Variants in SLC6A3 observed in about 807,000 individuals in gnomAD.
SLC6A3 encodes solute carrier family 6 member 3.
Under a neutral mutation model 70.4 loss-of-function variants are expected in SLC6A3, and 19 were observed. That is an observed-to-expected ratio of 0.27 (90% CI 0.19 to 0.40). The LOEUF (loss-of-function observed/expected upper bound fraction) is 0.40. SLC6A3 is among the 10% of genes least tolerant of loss of function. SLC6A3 has a pLI of 1.00. For synonymous variants in SLC6A3, 368 were observed against 356.6 expected (o/e 1.03, Z -0.36); for missense variants, 613 against 838.5 (o/e 0.73, Z 3.32).
chr5:1,435,297 A>C (rs968604877), intron 3 of SLC6A3, among the ~76,000 whole-genome samples: 4 of 152,202 alleles, frequency 2.6e-5, no homozygotes, highest in Non-Finnish European at 4.4e-5. Flanking sequence ...AGCACTGTGG[A>C]GGGTTTTCCA....
rs751934788 is a variant in SLC6A3 at position 1,421,894 on chromosome 5, G to T, written c.774C>A (p.Gly258=). The T allele has an allele frequency of 1.9e-6, 3 of 1,613,200 alleles. No homozygotes were observed. The highest frequency in any genetic ancestry group is 2.5e-6 in the Non-Finnish European group (3 of 1,180,004). ...IVLLYFSLWK[G]VKTSGKVVWI... Reference sequence around the variant, plus strand: ...GCCTCACCTTCCCTGAGGTCTTCACGCCCTTCCAGAGGCTGAAGTAGAGCA... The same window carrying T: ...GCCTCACCTTCCCTGAGGTCTTCACTCCCTTCCAGAGGCTGAAGTAGAGCA... The change falls in exon 5 of 15, where the codon GGC becomes GGA. Residue 258 remains glycine (G), a synonymous_variant. Transcript: ENST00000270349. This position sits in a 1 kb window ranked among gnomAD's most constrained non-coding sequence, Gnocchi z 7.2.
chr5:1,400,324 G>T (rs532388646), intron 14 of SLC6A3, among the ~76,000 whole-genome samples: 11 of 152,212 alleles, frequency 7.2e-5, no homozygotes, highest in Non-Finnish European at 7.3e-5. Context: ...GGTTGTGGGA[G>T]TAAAAACACG....
chr5:1,433,411 G>T (rs1255073903), intron 3 of SLC6A3, among the ~76,000 whole-genome samples: 1 of 151,926 alleles, frequency 6.6e-6, no homozygotes, highest in African/African-American at 2.4e-5. Flanking sequence ...ACTATGGAGG[G>T]CACCCAGGAC....
intron 4 of SLC6A3, among the ~76,000 whole-genome samples, chr5:1,426,164 T>G (rs1366592664): frequency 6.6e-6 from 1 of 152,124 alleles, no homozygotes; most frequent in Admixed American, 6.6e-5. Flanking sequence ...TACTCAAAAG[T>G]AGGTACTCAA....
chr5:1,409,360 C>A (rs1387236471), intron 10 of SLC6A3, among the ~76,000 whole-genome samples: 1 of 152,178 alleles, frequency 6.6e-6, no homozygotes, highest in Non-Finnish European at 1.5e-5. Flanking sequence ...ATGGAAGCAA[C>A]CGAATGCGGA....
intron 4 of SLC6A3, among the ~76,000 whole-genome samples, chr5:1,425,386 C>T (rs1013449145): frequency 2.6e-5 from 4 of 152,184 alleles, no homozygotes; most frequent in Non-Finnish European, 4.4e-5. Flanking sequence ...TAAACAAAGA[C>T]GACAAGAGCT....
At chr5:1,443,667 CTTTTTTCTTTT>C (rs1482105010) in intron 1 of SLC6A3, among the ~76,000 whole-genome samples, 1 of 151,074 alleles carries the variant, frequency 6.6e-6, no homozygotes, top group Admixed American at 6.6e-5. Context: ...CATCTGTATT[CTTTTTTCTTTT>C]TTTTTTCTTT....
intron 4 of SLC6A3, among the ~76,000 whole-genome samples, chr5:1,426,597 T>C (rs1189753094): frequency 2.0e-5 from 3 of 152,302 alleles, no homozygotes; most frequent in African/African-American, 4.8e-5. Flanking sequence ...TACAATGGAA[T>C]TGAAATATTA....
intron 2 of SLC6A3, 140 bp from the exon 3 acceptor site, chr5:1,441,630 G>T: frequency 1.0e-6 from 1 of 993,440 alleles, no homozygotes; most frequent in Non-Finnish European, 1.5e-6. Context: ...GAAGTCCCAG[G>T]CTAGGGTAGA....
intron 7 of SLC6A3, 125 bp downstream of exon 7, chr5:1,415,973 C>G (rs181453773): frequency 9.4e-6 from 7 of 746,184 alleles, no homozygotes; most frequent in African/African-American, 1.7e-5. Flanking sequence ...AAAGGCCACG[C>G]AGCTCACAGG....
chr5:1,418,114 C>T (rs1436140781), intron 6 of SLC6A3, among the ~76,000 whole-genome samples: 1 of 152,162 alleles, frequency 6.6e-6, no homozygotes, highest in Non-Finnish European at 1.5e-5. Context: ...GGTGGAGAGG[C>T]TCATACCCTG....
intron 4 of SLC6A3, among the ~76,000 whole-genome samples, chr5:1,423,032 C>A (rs1245231817): frequency 1.2e-5 from 1 of 81,804 alleles, no homozygotes; most frequent in Non-Finnish European, 2.2e-5. Flanking sequence ...TGCTGGGTAC[C>A]CACCACTGCC....
chr5:1,444,750 G>A (rs1733758484), intron 1 of SLC6A3, among the ~76,000 whole-genome samples: 1 of 152,234 alleles, frequency 6.6e-6, no homozygotes, highest in African/African-American at 2.4e-5. Context: ...TCCTGAACGC[G>A]GGGCCTCAGA....
chr5:1,431,331 G>A (rs540596279), intron 4 of SLC6A3, among the ~76,000 whole-genome samples: 6 of 152,386 alleles, frequency 3.9e-5, no homozygotes, highest in East Asian at 3.9e-4. Flanking sequence ...CGGAGACATC[G>A]GGGTCCAGGA....
At chr5:1,399,857 T>A (rs1253489155) in intron 14 of SLC6A3, among the ~76,000 whole-genome samples, 1 of 152,130 alleles carries the variant, frequency 6.6e-6, no homozygotes, top group Non-Finnish European at 1.5e-5. Context: ...CTGCTCAGCG[T>A]CTTGTTCTGC....
Position 1,409,604 on chromosome 5 carries a change from C to T in SLC6A3, c.1398+117G>A, listed in dbSNP as rs2245660. ...AGTCATTTTCTGGGGTGGGTGGGTTCGCAGCTCCCTGGAAGTGCTGCGGTT... is the reference window on the plus strand; with the variant it reads ...AGTCATTTTCTGGGGTGGGTGGGTTTGCAGCTCCCTGGAAGTGCTGCGGTT... On this transcript the variant is annotated intron_variant, in intron 10 of 14. Transcript: ENST00000270349. The T allele has an allele frequency of 0.05, 62,008 of 1,246,562 alleles. 1,870 individuals are homozygous for T. The highest frequency in any genetic ancestry group is 0.059 in the Non-Finnish European group (50,721 of 856,648). 77.2% of individuals were successfully genotyped at this position (1,246,562 alleles called of 1,614,324 possible). A position where few individuals can be genotyped will look rare whatever the true frequency, so the allele number is the denominator to read the frequency against.
chr5:1,443,308 C>G (rs749314775), intron 1 of SLC6A3, 66 bp from the exon 2 acceptor site: 1 of 1,276,770 alleles, frequency 7.8e-7, no homozygotes, highest in Non-Finnish European at 1.1e-6. Context: ...GGGCTAGGGA[C>G]ATACCTGGTG....
At chr5:1,423,000 T>C (rs113415456) in intron 4 of SLC6A3, among the ~76,000 whole-genome samples, 30 of 34,450 alleles carry the variant, frequency 8.7e-4, no homozygotes, top group East Asian at 1.5e-3. Flanking sequence ...GGGTACCCAC[T>C]GCTGCCCAGT....
rs958810666 is a variant in SLC6A3 at position 1,421,436 on chromosome 5, C to G, written c.792+440G>C. ...AGGTGATCTGCCCGTCTCAGCCTCC[C>G]AAAGTATTTTTATCAACAAAAAAAT... On this transcript the variant is annotated intron_variant, in intron 5 of 14. Coordinates refer to ENST00000270349, the MANE Select transcript of SLC6A3 (RefSeq NM_001044.5). The surrounding 1 kb of genome is among the most constrained non-coding windows in gnomAD (Gnocchi z 7.2). Among the ~76,000 whole-genome samples the G allele has an allele frequency of 2.0e-5, 3 of 152,164 alleles. No homozygotes were observed. Among genetic ancestry groups the G allele is most frequent in the African/African-American group, 7.2e-5 (3 of 41,418 alleles).
Sources: gnomAD v4.1 joint callset for allele counts (sites outside exome capture counted in the v4.1 genomes callset) on GRCh38, gnomAD v4.1.1 for gene constraint, Gnocchi (gnomAD v3.1) non-coding constraint, MANE v1.5 for transcripts, NCBI Gene and HGNC (gene_info 2026-07-23, HGNC 2026-07-21) for gene names.